Variants in CAPRIN1 observed in about 807,000 individuals in gnomAD.
CAPRIN1 encodes caprin-1.
In CAPRIN1, 29 loss-of-function variants were observed where a neutral mutation model predicts 100.9. That is an observed-to-expected ratio of 0.29 (90% CI 0.21 to 0.39). The LOEUF is 0.39. Ranked by LOEUF, CAPRIN1 falls within the 10% of genes least tolerant of loss-of-function variation. The pLI is 1.00. For missense variants in CAPRIN1, 795 were observed against 876.7 expected (o/e 0.91, Z 1.18); for synonymous variants, 338 against 307.5 (o/e 1.10, Z -1.04).
intron 8 of CAPRIN1, 33 bp from the exon 9 acceptor site, chr11:34,082,922 A>G (rs764028151): frequency 1.4e-5 from 23 of 1,611,684 alleles, no homozygotes; most frequent in Non-Finnish European, 1.9e-5. Flanking sequence ...TGCCTTTCAA[A>G]CAAATGTCTC....
intron 2 of CAPRIN1, among the ~76,000 whole-genome samples, chr11:34,057,386 T>A (rs991251293): frequency 2.0e-5 from 3 of 151,982 alleles, no homozygotes; most frequent in Admixed American, 6.6e-5. Context: ...AGGGTGAGAG[T>A]CGAAGCCTAA....
intron 2 of CAPRIN1, among the ~76,000 whole-genome samples, chr11:34,054,054 G>A (rs961165868): frequency 6.6e-6 from 1 of 152,118 alleles, no homozygotes; most frequent in Non-Finnish European, 1.5e-5. Flanking sequence ...CTAAAACTTG[G>A]GCTGTGGGAA....
At chr11:34,079,904 A>ATTTTTTTTTTTT (rs1850979825) in intron 7 of CAPRIN1, 139 bp downstream of exon 7, 1 of 496,410 alleles carries the variant, frequency 2.0e-6, no homozygotes, top group Admixed American at 4.8e-5. Context: ...AGCATGACAA[A>ATTTTTTTTTTTT]GTTTTTTTTT....
intron 9 of CAPRIN1, among the ~76,000 whole-genome samples, chr11:34,083,739 A>G (rs1851077711): frequency 6.6e-6 from 1 of 152,114 alleles, no homozygotes; most frequent in Non-Finnish European, 1.5e-5. Context: ...TGAGGGTAAT[A>G]TGCTTTTCCT....
intron 6 of CAPRIN1, among the ~76,000 whole-genome samples, chr11:34,077,985 G>GTTA (rs1424361153): frequency 6.6e-6 from 1 of 152,118 alleles, no homozygotes; most frequent in Non-Finnish European, 1.5e-5. Context: ...CATTGTTGAA[G>GTTA]AGTAACAAAG....
At chr11:34,091,011 T>C (rs1167805664) in intron 14 of CAPRIN1, among the ~76,000 whole-genome samples, 2 of 152,330 alleles carry the variant, frequency 1.3e-5, no homozygotes, top group East Asian at 3.9e-4. Context: ...ATAGTTGCCC[T>C]GTTTGCTTAA....
intron 9 of CAPRIN1, 55 bp downstream of exon 9, chr11:34,083,096 TATCTCTACTGAGAACAAATTAAG>T: frequency 8.5e-7 from 1 of 1,173,494 alleles, no homozygotes; most frequent in East Asian, 2.3e-5. Context: ...TAGTAATTTT[TATCTCTACTGAGAACAAATTAAG>T]ATTGTTTTTT....
intron 11 of CAPRIN1, 149 bp downstream of exon 11, chr11:34,086,562 GTT>G: frequency 3.6e-6 from 2 of 559,598 alleles, no homozygotes; most frequent in South Asian, 5.4e-5. Context: ...GAATGTTATT[GTT>G]CCTATGATTT....
At chr11:34,059,108 T>C (rs1850519080) in intron 2 of CAPRIN1, among the ~76,000 whole-genome samples, 1 of 152,220 alleles carries the variant, frequency 6.6e-6, no homozygotes, top group Non-Finnish European at 1.5e-5. Context: ...TTAGATAGAC[T>C]ATGAGTACAA....
At position 34,079,749 on chromosome 11, in the gene CAPRIN1, C is replaced by T; in HGVS notation, c.810C>T (p.Asp270=). ...EEAASAPAVE[D]QVPEAEPEPA... ...CAGCCTCAGCACCTGCAGTTGAAGA[C>T]CAGGTACCTGAAGCTGGTGAGTATT... The change falls in exon 7 of 19, where the codon GAC becomes GAT. Residue 270 remains aspartate (D), a synonymous_variant. Coordinates refer to ENST00000341394, the MANE Select transcript of CAPRIN1 (RefSeq NM_005898.5). 1 of 1,613,960 alleles carries T rather than the reference C, an allele frequency of 6.2e-7. No individual in the cohort carries two copies. The highest frequency in any genetic ancestry group is 8.5e-7 in the Non-Finnish European group (1 of 1,179,950).
At chr11:34,082,798 G>A (rs1027925308) in intron 7 of CAPRIN1, 27 bp from the exon 8 acceptor site, 26 of 1,602,738 alleles carry the variant, frequency 1.6e-5, no homozygotes, top group Non-Finnish European at 2.0e-5. Context: ...AAATCCTTTT[G>A]TTTTGCACCA....
chr11:34,065,191 C>T (rs557289311), intron 2 of CAPRIN1, among the ~76,000 whole-genome samples: 2 of 151,862 alleles, frequency 1.3e-5, no homozygotes, highest in Admixed American at 6.6e-5. Flanking sequence ...CTCGATCTCC[C>T]GACCTCGTGA....
At chr11:34,060,495 G>A (rs1484551853) in intron 2 of CAPRIN1, among the ~76,000 whole-genome samples, 1 of 152,112 alleles carries the variant, frequency 6.6e-6, no homozygotes, top group Non-Finnish European at 1.5e-5. Flanking sequence ...TTGACCCACT[G>A]TGCCTGGCCC....
chr11:34,081,914 C>T (rs190571489), intron 7 of CAPRIN1, among the ~76,000 whole-genome samples: 341 of 152,270 alleles, frequency 2.2e-3, no homozygotes, highest in Middle Eastern at 6.8e-3. Flanking sequence ...CGGGTTCAAG[C>T]GATTCTCATG....
chr11:34,090,376 C>A, intron 13 of CAPRIN1, 87 bp downstream of exon 13: 2 of 1,245,010 alleles, frequency 1.6e-6, no homozygotes, highest in African/African-American at 1.5e-5. Context: ...TATAATGATT[C>A]TTCTTTTTGG....
At chr11:34,098,966 C>CCTTGT in intron 18 of CAPRIN1, 1 of 1,133,970 alleles carries the variant, frequency 8.8e-7, no homozygotes, top group African/African-American at 1.6e-5. Flanking sequence ...AGAGCAGGTA[C>CCTTGT]CTTGTCTGTC....
At chr11:34,088,978 ACCTT>A (rs1851205225) in intron 11 of CAPRIN1, among the ~76,000 whole-genome samples, 1 of 152,044 alleles carries the variant, frequency 6.6e-6, no homozygotes, top group South Asian at 2.1e-4. Flanking sequence ...ATAGAAATTT[ACCTT>A]TAATTGCTGG....
At position 34,052,650 on chromosome 11, in the gene CAPRIN1, G is replaced by T; in HGVS notation, c.216+14G>T. 1 of 1,595,422 alleles carries T rather than the reference G, an allele frequency of 6.3e-7. No homozygotes were observed. Among genetic ancestry groups the T allele is most frequent in the South Asian group, 1.1e-5 (1 of 88,804 alleles). On this transcript the variant is annotated intron_variant, in intron 2 of 18. Transcript: ENST00000341394. ...GAGAAGAAAAAGGTGCCAGGAGTTGGCGGGGAAGGGAGGGGTGGCTGCGGC... is the reference window on the plus strand; with the variant it reads ...GAGAAGAAAAAGGTGCCAGGAGTTGTCGGGGAAGGGAGGGGTGGCTGCGGC...
At position 34,081,739 on chromosome 11, in the gene CAPRIN1, C is replaced by T. The variant is rs1851034164; in HGVS notation, c.827-1086C>T. 3.3e-5 allele frequency among the ~76,000 whole-genome samples: 5 copies of T among 152,262 alleles called. No homozygotes were observed. In the South Asian group the frequency reaches 1.0e-3, roughly 32 times the overall value. On this transcript the variant is annotated intron_variant, in intron 7 of 18. Transcript: ENST00000341394. ...TCTCAAACTCCTGACCTCAAGTGAT[C>T]TGCCCACATTGGCCTCCCAAAGTCC...
Sources: gnomAD v4.1 joint callset for allele counts (sites outside exome capture counted in the v4.1 genomes callset) on GRCh38, gnomAD v4.1.1 for gene constraint, MANE v1.5 for transcripts, NCBI Gene and HGNC (gene_info 2026-07-23, HGNC 2026-07-21) for gene names.